The following MAPK10 variants were observed in gnomAD, a reference collection of about 807,000 sequenced individuals.
MAPK10 encodes JNK3 alpha protein kinase.
Under a neutral mutation model 59.3 loss-of-function variants are expected in MAPK10, and 25 were observed. The observed-to-expected ratio is 0.42, with a 90% CI of 0.31 to 0.59. The LOEUF is 0.59. Among genes scored for constraint, MAPK10 ranks in the 20% least tolerant of loss-of-function variants. The pLI is 0.15. For synonymous variants in MAPK10, 190 were observed against 200.5 expected, an observed-to-expected ratio of 0.95 and a Z score of 0.44; for missense variants, 351 against 568.9, an observed-to-expected ratio of 0.62 and a Z score of 3.90.
intron 4 of MAPK10, among the ~76,000 whole-genome samples, chr4:86,145,014 AG>A (rs1373402412): frequency 6.6e-6 from 1 of 152,182 alleles, no homozygotes; most frequent in African/African-American, 2.4e-5. Flanking sequence ...AAAACAAAAA[AG>A]ATATCAATGA....
At chr4:86,075,807 C>G in intron 9 of MAPK10, among the ~76,000 whole-genome samples, 1 of 152,152 alleles carries the variant, frequency 6.6e-6, no homozygotes, top group Admixed American at 6.5e-5. Flanking sequence ...AGCTGTCAGA[C>G]AGGGGCATTT....
intron 1 of MAPK10, among the ~76,000 whole-genome samples, chr4:86,512,119 T>C (rs1365623199): frequency 6.6e-6 from 1 of 152,186 alleles, no homozygotes; most frequent in East Asian, 1.9e-4. Flanking sequence ...AAGTGTTTTG[T>C]TTTCCAAATT....
chr4:86,024,719 T>TA (rs1181072668), intron 13 of MAPK10: 1 of 152,246 alleles, frequency 6.6e-6, no homozygotes, highest in Non-Finnish European at 1.5e-5. Flanking sequence ...GTGAAACTGT[T>TA]AAGCTATTTT....
chr4:86,244,605 G>A (rs1460759), intron 2 of MAPK10, among the ~76,000 whole-genome samples: 49,778 of 151,986 alleles, frequency 0.33, 11,059 homozygotes, highest in African/African-American at 0.63. Flanking sequence ...CCACCCTAAT[G>A]AAAACAGGCT....
At chr4:86,591,235 T>C (rs1763022667) in intron 1 of MAPK10, among the ~76,000 whole-genome samples, 1 of 152,208 alleles carries the variant, frequency 6.6e-6, no homozygotes, top group South Asian at 2.1e-4. Context: ...GTTTTATAAA[T>C]TTATTTTAGT....
intron 1 of MAPK10, among the ~76,000 whole-genome samples, chr4:86,590,426 C>T (rs1762954104): frequency 6.6e-6 from 1 of 152,020 alleles, no homozygotes; most frequent in Non-Finnish European, 1.5e-5. Flanking sequence ...GGCACTCTTC[C>T]AAATGAATTT....
chr4:86,546,570 AAAG>A (rs973268164), intron 1 of MAPK10, among the ~76,000 whole-genome samples: 2 of 151,558 alleles, frequency 1.3e-5, no homozygotes, highest in Non-Finnish European at 1.5e-5. Context: ...AAAAAAAAAA[AAAG>A]AAGAAAGAAT....
chr4:86,045,185 A>G (rs2042267601), intron 11 of MAPK10, among the ~76,000 whole-genome samples: 1 of 151,822 alleles, frequency 6.6e-6, no homozygotes, highest in Non-Finnish European at 1.5e-5. Flanking sequence ...AGATTTATTT[A>G]TTAGCTCTAC....
intron 1 of MAPK10, among the ~76,000 whole-genome samples, chr4:86,444,760 C>G (rs1749828003): frequency 6.7e-6 from 1 of 149,382 alleles, no homozygotes; most frequent in African/African-American, 2.4e-5. Context: ...GGGCAAAGGA[C>G]ATGAACAGAC....
chr4:86,325,602 G>A (rs2096005280), intron 2 of MAPK10, among the ~76,000 whole-genome samples: 1 of 152,144 alleles, frequency 6.6e-6, no homozygotes, highest in Non-Finnish European at 1.5e-5. Flanking sequence ...ATTTCAAAAA[G>A]ATATGACTGT....
At chr4:86,155,368 T>C (rs1178666395) in intron 4 of MAPK10, among the ~76,000 whole-genome samples, 1 of 151,860 alleles carries the variant, frequency 6.6e-6, no homozygotes, top group Non-Finnish European at 1.5e-5. Context: ...TCCTATCATA[T>C]ATATAATATT....
chr4:86,262,134 G>C (rs1247660022), intron 2 of MAPK10, among the ~76,000 whole-genome samples: 1 of 152,200 alleles, frequency 6.6e-6, no homozygotes, highest in Non-Finnish European at 1.5e-5. Context: ...CAACAGTGTT[G>C]AGAAGTGGGA....
At chr4:86,064,630 C>T (rs1332208062) in intron 10 of MAPK10, 11 of 462,032 alleles carry the variant, frequency 2.4e-5, no homozygotes, top group Non-Finnish European at 3.1e-5. Flanking sequence ...TAATTATTCA[C>T]GCAAACTTCT....
intron 1 of MAPK10, among the ~76,000 whole-genome samples, chr4:86,378,898 C>T (rs537815873): frequency 3.9e-4 from 60 of 152,264 alleles, no homozygotes; most frequent in African/African-American, 1.2e-3. Flanking sequence ...AAGGAGGAAA[C>T]AGTTCTACCT....
intron 9 of MAPK10, among the ~76,000 whole-genome samples, chr4:86,078,221 A>T (rs952623235): frequency 6.6e-6 from 1 of 152,236 alleles, no homozygotes; most frequent in East Asian, 1.9e-4. Flanking sequence ...AGAGTAAAAT[A>T]CTAACATGTT....
intron 4 of MAPK10, among the ~76,000 whole-genome samples, chr4:86,144,121 C>A (rs2064275675): frequency 6.6e-6 from 1 of 152,088 alleles, no homozygotes; most frequent in Non-Finnish European, 1.5e-5. Flanking sequence ...ATTTTGATTT[C>A]TGCACACTTA....
chr4:86,051,426 A>G (rs1354507490), intron 11 of MAPK10, among the ~76,000 whole-genome samples: 1 of 152,180 alleles, frequency 6.6e-6, no homozygotes, highest in Non-Finnish European at 1.5e-5. Flanking sequence ...GGTTACCATG[A>G]TTTAGCACCC....
At chr4:86,514,616 C>T (rs539589679) in intron 1 of MAPK10, among the ~76,000 whole-genome samples, 33 of 152,270 alleles carry the variant, frequency 2.2e-4, no homozygotes, top group African/African-American at 7.7e-4. Flanking sequence ...TCTATGTGTA[C>T]ATTTACATGT....
intron 1 of MAPK10, among the ~76,000 whole-genome samples, chr4:86,433,551 T>C (rs1196773133): frequency 1.4e-5 from 2 of 147,472 alleles, no homozygotes; most frequent in African/African-American, 2.5e-5. Flanking sequence ...GTCTGGGCCT[T>C]CTTCTTTTTT....
Sources: gnomAD v4.1 joint callset for allele counts (sites outside exome capture counted in the v4.1 genomes callset) on GRCh38, gnomAD v4.1.1 for gene constraint, MANE v1.5 for transcripts, NCBI Gene and HGNC (gene_info 2026-07-23, HGNC 2026-07-21) for gene names.